Variants in GNG2 observed in about 807,000 individuals in gnomAD.
GNG2 encodes guanine nucleotide-binding protein G(I)/G(S)/G(O) subunit gamma-2.
A neutral mutation model predicts 5.5 loss-of-function variants in GNG2; 5 were observed. The observed-to-expected ratio is 0.91, with a 90% CI of 0.48 to 1.92. GNG2 has a LOEUF of 1.92. Among genes scored for constraint, GNG2 ranks in the 30% most tolerant of loss-of-function variants. GNG2 has a pLI of 0.01. For missense variants in GNG2, 55 were observed against 88.4 expected, an observed-to-expected ratio of 0.62 and a Z score of 1.52; for synonymous variants, 28 against 32.0, an observed-to-expected ratio of 0.88 and a Z score of 0.42.
At chr14:51,903,390 C>T (rs934838046) in intron 2 of GNG2, among the ~76,000 whole-genome samples, 3 of 152,288 alleles carry the variant, frequency 2.0e-5, no homozygotes, top group Middle Eastern at 3.4e-3. Flanking sequence ...ATGCAATGCT[C>T]TGTGTTTTTG....
At chr14:51,941,853 G>T (rs1296438710) in intron 2 of GNG2, among the ~76,000 whole-genome samples, 2 of 152,190 alleles carry the variant, frequency 1.3e-5, no homozygotes, top group African/African-American at 4.8e-5. Context: ...GTGGGACGGG[G>T]ACTATAATCC....
At chr14:51,908,736 A>ATTTTTTTTTTTTTT (rs3030340) in intron 2 of GNG2, among the ~76,000 whole-genome samples, 19 of 89,878 alleles carry the variant, frequency 2.1e-4, no homozygotes, top group Admixed American at 1.2e-3. Flanking sequence ...CACCCAGCTA[A>ATTTTTTTTTTTTTT]TTTTTTTTTT....
At chr14:51,955,768 A>G (rs1594958663) in intron 3 of GNG2, among the ~76,000 whole-genome samples, 1 of 152,258 alleles carries the variant, frequency 6.6e-6, no homozygotes, top group Non-Finnish European at 1.5e-5. Flanking sequence ...ATGATCATAA[A>G]TATCTAGCAT....
At chr14:51,910,025 G>A (rs1198961517) in intron 2 of GNG2, among the ~76,000 whole-genome samples, 1 of 152,168 alleles carries the variant, frequency 6.6e-6, no homozygotes, top group Non-Finnish European at 1.5e-5. Flanking sequence ...TAAATATTTA[G>A]TACCCAGCGT....
chr14:51,967,894 GA>G lies in GNG2; in HGVS notation c.*1209del, dbSNP rs1259548922. 3.9e-5 allele frequency: 6 copies of G among 152,136 alleles called. No homozygotes were observed. The highest frequency in any genetic ancestry group is 7.3e-5 in the Non-Finnish European group (5 of 68,034). 9.4% of individuals were successfully genotyped at this position (152,136 alleles called of 1,614,324 possible). On this transcript the variant is annotated 3_prime_UTR_variant, in exon 4 of 4. Coordinates refer to ENST00000556766, the MANE Select transcript of GNG2 (RefSeq NM_053064.5). ...GAAGAAATAAACCCACAGCTCCAGA[GA>G]AGGTGACCATTCTCAGAACTCCAGC...
At chr14:51,960,840 A>T (rs1008601512) in intron 3 of GNG2, among the ~76,000 whole-genome samples, 1 of 152,126 alleles carries the variant, frequency 6.6e-6, no homozygotes, top group East Asian at 1.9e-4. Flanking sequence ...CTCTGGCCCT[A>T]TGTGATCTCC....
intron 2 of GNG2, among the ~76,000 whole-genome samples, chr14:51,898,742 T>C (rs966803329): frequency 3.3e-5 from 5 of 152,198 alleles, no homozygotes; most frequent in Non-Finnish European, 7.3e-5. Flanking sequence ...CTGCCATCCA[T>C]AGGGAAGAGC....
chr14:51,900,375 G>A (rs1266340319), intron 2 of GNG2, among the ~76,000 whole-genome samples: 1 of 151,822 alleles, frequency 6.6e-6, no homozygotes. Flanking sequence ...AACACTGAGT[G>A]AAAAAACCTG....
chr14:51,875,532 C>A (rs575484288), intron 1 of GNG2, among the ~76,000 whole-genome samples: 1 of 152,048 alleles, frequency 6.6e-6, no homozygotes, highest in Non-Finnish European at 1.5e-5. Context: ...TTCTGTTGAA[C>A]AGAGGAAATA....
At chr14:51,908,143 G>A (rs182311295) in intron 2 of GNG2, among the ~76,000 whole-genome samples, 2 of 152,310 alleles carry the variant, frequency 1.3e-5, no homozygotes, top group African/African-American at 4.8e-5. Flanking sequence ...AAGTGGGCCT[G>A]GAGGATCTGG....
At chr14:51,959,205 G>A (rs1889450323) in intron 3 of GNG2, among the ~76,000 whole-genome samples, 2 of 152,000 alleles carry the variant, frequency 1.3e-5, no homozygotes, top group Non-Finnish European at 2.9e-5. Context: ...AAGGCTTAGT[G>A]TACCATCTCT....
intron 2 of GNG2, among the ~76,000 whole-genome samples, chr14:51,896,368 T>C (rs1594888517): frequency 6.6e-6 from 1 of 152,206 alleles, no homozygotes; most frequent in Non-Finnish European, 1.5e-5. Context: ...GATGAGAAAA[T>C]AGTCTCAAAG....
rs527666770 is a variant in GNG2, at chr14:51,918,298, G to T, written c.-29-32352G>T. Among the ~76,000 whole-genome samples the T allele has an allele frequency of 3.9e-5, 6 of 152,088 alleles. No individual in the cohort carries two copies. The South Asian group carries it at 1.0e-3, about 26-fold the overall frequency. ...TCCACTCTGCAAAGAGCTGCTTCTGGCCAATTTTGCTTCCTGGTTGTCCTC... is the reference window on the plus strand; with the variant it reads ...TCCACTCTGCAAAGAGCTGCTTCTGTCCAATTTTGCTTCCTGGTTGTCCTC... On this transcript the variant is annotated intron_variant, in intron 2 of 3. Transcript: ENST00000556766.
At chr14:51,932,271 A>AATAG (rs60014306) in intron 2 of GNG2, among the ~76,000 whole-genome samples, 1 of 96,340 alleles carries the variant, frequency 1.0e-5, no homozygotes, top group African/African-American at 4.1e-5. Context: ...AAAAAAAAAA[A>AATAG]AGAAAAGAAA....
chr14:51,827,115 T>A (rs1881049454), intron 1 of GNG2, among the ~76,000 whole-genome samples: 1 of 152,186 alleles, frequency 6.6e-6, no homozygotes, highest in Admixed American at 6.5e-5. Flanking sequence ...GTATGTAGAA[T>A]AATCTGGGGA....
At chr14:51,826,859 A>G (rs573164055) in intron 1 of GNG2, among the ~76,000 whole-genome samples, 5 of 152,374 alleles carry the variant, frequency 3.3e-5, no homozygotes, top group Admixed American at 2.0e-4. Context: ...TAAAAGACCC[A>G]TAAATAAGCA....
intron 2 of GNG2, among the ~76,000 whole-genome samples, chr14:51,921,424 C>G (rs780161580): frequency 3.3e-5 from 5 of 152,146 alleles, no homozygotes; most frequent in Non-Finnish European, 7.4e-5. Flanking sequence ...CTGGAGTGAA[C>G]ATATAAACAA....
In GNG2 at chr14:51,877,883, T is replaced by C. The variant is rs1883778658; in HGVS notation, c.-30+226T>C. The C allele has an allele frequency of 1.8e-5, 5 of 274,720 alleles. No individual in the cohort carries two copies. In the Admixed American group the frequency reaches 2.4e-4, roughly 13 times the overall value. The allele number at this position is 274,720 out of a possible 1,614,324, so 17.0% of individuals were successfully genotyped here. On this transcript the variant is annotated intron_variant, in intron 2 of 3. Coordinates refer to ENST00000556766, the MANE Select transcript of GNG2 (RefSeq NM_053064.5). ...CATCCAGAATTTTTTCATTTTCTTC[T>C]AAAAACCTGAGTTGGAGAGCCTTTG...
chr14:51,954,724 T>G (rs1262039251), intron 3 of GNG2, among the ~76,000 whole-genome samples: 2 of 152,158 alleles, frequency 1.3e-5, no homozygotes, highest in African/African-American at 4.8e-5. Context: ...TTCCTTTTCC[T>G]GGGAAGAAGG....
Sources: allele counts gnomAD v4.1 joint callset (sites outside exome capture counted in the v4.1 genomes callset), GRCh38; gene constraint gnomAD v4.1.1; transcripts MANE v1.5; gene names NCBI Gene and HGNC (gene_info 2026-07-23, HGNC 2026-07-21).